Variants in KCNG2 observed in about 807,000 individuals in gnomAD.
KCNG2 encodes the protein potassium voltage-gated channel modifier subfamily G member 2.
KCNG2 carries 7 observed loss-of-function variants against 12.3 expected under a neutral mutation model. That is an observed-to-expected ratio of 0.57 (90% CI 0.32 to 1.07). KCNG2 has a LOEUF of 1.07. Among genes scored for constraint, KCNG2 ranks in the 50% least tolerant of loss-of-function variants. The probability of loss-of-function intolerance (pLI) is 0.04; values close to 1 mark genes in which losing one functional copy is unlikely to be tolerated. For missense variants in KCNG2, 703 were observed against 726.0 expected (o/e 0.97, Z 0.36); for synonymous variants, 414 against 351.4 (o/e 1.18, Z -1.99).
At chr18:79,824,003 CAATTT>C (rs1375600844) in intron 1 of KCNG2, among the ~76,000 whole-genome samples, 22 of 152,088 alleles carry the variant, frequency 1.4e-4, no homozygotes, top group African/African-American at 2.2e-4. Context: ...TTTCTTTCAT[CAATTT>C]AATTTAATTT....
intron 3 of KCNG2, chr18:79,875,833 A>G (rs959258852): frequency 9.2e-5 from 14 of 152,382 alleles, no homozygotes; most frequent in African/African-American, 3.4e-4. Flanking sequence ...GAGCAGTCGG[A>G]CTGGCCTGCA....
intron 3 of KCNG2, among the ~76,000 whole-genome samples, chr18:79,871,083 G>A (rs1979809937): frequency 6.6e-6 from 1 of 152,156 alleles, no homozygotes; most frequent in Non-Finnish European, 1.5e-5. Context: ...CCTGAGGCAG[G>A]AGGAAGGTCC....
At chr18:79,838,305 T>C (rs1447355562) in intron 1 of KCNG2, among the ~76,000 whole-genome samples, 3 of 152,178 alleles carry the variant, frequency 2.0e-5, no homozygotes, top group Non-Finnish European at 4.4e-5. Flanking sequence ...GTGTTCTCAG[T>C]GTGGTTCTCT....
rs1471990369 is a variant in KCNG2 at position 79,882,521 on chromosome 18, C to T, written c.625-16519C>T. Among the ~76,000 whole-genome samples the T allele has an allele frequency of 2.6e-5, 4 of 152,212 alleles. 1 individual carries two copies. The highest frequency in any genetic ancestry group is 5.9e-5 in the Non-Finnish European group (4 of 68,036). On this transcript the variant is annotated intron_variant, in intron 3 of 3. Coordinates refer to ENST00000316249, the MANE Select transcript of KCNG2 (RefSeq NM_012283.2). ...GAAAATAACCTGATTTTAAAAGGGA[C>T]AAAGTTTTGAACAGACACTTCACCA... is the stretch of plus-strand genomic sequence containing the variant.
chr18:79,865,684 G>T (rs1979474770), intron 3 of KCNG2, among the ~76,000 whole-genome samples: 2 of 146,670 alleles, frequency 1.4e-5, no homozygotes, highest in Non-Finnish European at 3.0e-5. Flanking sequence ...AGGTCTGGGT[G>T]CTGAGAGGTC....
intron 3 of KCNG2, among the ~76,000 whole-genome samples, chr18:79,876,499 A>G (rs1980077225): frequency 6.6e-6 from 1 of 152,232 alleles, no homozygotes; most frequent in South Asian, 2.1e-4. Flanking sequence ...CAGGGGCTGC[A>G]GGTGCTGAGC....
At chr18:79,804,397 C>G (rs907580383) in intron 1 of KCNG2, among the ~76,000 whole-genome samples, 9 of 152,320 alleles carry the variant, frequency 5.9e-5, no homozygotes, top group Middle Eastern at 3.4e-3. Context: ...GGACTCAGCA[C>G]CCAGGCCACA....
intron 1 of KCNG2, among the ~76,000 whole-genome samples, chr18:79,842,016 A>G (rs981929414): frequency 6.6e-6 from 1 of 152,132 alleles, no homozygotes; most frequent in African/African-American, 2.4e-5. Flanking sequence ...CCCAGAGTGA[A>G]CCTTGATGCC....
intron 3 of KCNG2, among the ~76,000 whole-genome samples, chr18:79,865,847 A>ACTGTGTG (rs1448895099): frequency 3.3e-5 from 1 of 29,914 alleles, no homozygotes; most frequent in East Asian, 1.1e-3. Flanking sequence ...TGCTGAGAGG[A>ACTGTGTG]CTGTGTGCTG....
chr18:79,808,000 C>T (rs2087465345), intron 1 of KCNG2, among the ~76,000 whole-genome samples: 1 of 121,836 alleles, frequency 8.2e-6, no homozygotes, highest in Admixed American at 7.8e-5. Flanking sequence ...GCCCAGAGTC[C>T]GCGCTCTGAG....
chr18:79,829,090 CTATG>C (rs1978289156), intron 1 of KCNG2, among the ~76,000 whole-genome samples: 1 of 82,756 alleles, frequency 1.2e-5, no homozygotes, highest in South Asian at 5.3e-4. Flanking sequence ...GTGTGGGTGT[CTATG>C]TGTGCGTGTG....
intron 1 of KCNG2, among the ~76,000 whole-genome samples, chr18:79,834,248 A>G (rs1354189533): frequency 6.6e-6 from 1 of 152,256 alleles, no homozygotes; most frequent in Non-Finnish European, 1.5e-5. Context: ...AGCACTGAGC[A>G]AACGTCCTGT....
chr18:79,858,768 C>T (rs1209642698), intron 2 of KCNG2, among the ~76,000 whole-genome samples: 3 of 152,152 alleles, frequency 2.0e-5, no homozygotes, highest in African/African-American at 7.2e-5. Flanking sequence ...TATAACGACC[C>T]TAGTGGATGT....
intron 1 of KCNG2, among the ~76,000 whole-genome samples, chr18:79,828,811 T>G (rs1978288442): frequency 8.4e-6 from 1 of 119,010 alleles, no homozygotes; most frequent in Non-Finnish European, 1.8e-5. Context: ...TGTGGGTGTC[T>G]ATGTGTGCGT....
intron 1 of KCNG2, chr18:79,816,552 A>G (rs1268922834): frequency 6.6e-6 from 1 of 152,264 alleles, no homozygotes; most frequent in Non-Finnish European, 1.5e-5. Flanking sequence ...TGTGGGAATG[A>G]GACATTTGAG....
At chr18:79,858,292 G>A (rs974093266) in intron 2 of KCNG2, among the ~76,000 whole-genome samples, 3 of 152,208 alleles carry the variant, frequency 2.0e-5, no homozygotes, top group Admixed American at 6.5e-5. Context: ...GTGAGCCACC[G>A]TGCCCAGCTC....
chr18:79,854,691 A>T (rs1412589802), intron 1 of KCNG2, among the ~76,000 whole-genome samples: 1 of 151,962 alleles, frequency 6.6e-6, no homozygotes, highest in Non-Finnish European at 1.5e-5. Context: ...ACGCCCGGCT[A>T]ATTTTTTGTA....
At chr18:79,849,466 C>T (rs1362765698) in intron 1 of KCNG2, among the ~76,000 whole-genome samples, 5 of 152,198 alleles carry the variant, frequency 3.3e-5, no homozygotes, top group South Asian at 2.1e-4. Flanking sequence ...CGACCTCATC[C>T]GGGGCAAGGT....
At chr18:79,898,144 C>T (rs1056187400) in intron 3 of KCNG2, among the ~76,000 whole-genome samples, 42 of 152,162 alleles carry the variant, frequency 2.8e-4, no homozygotes, top group African/African-American at 8.9e-4. Context: ...GAGTGCCCTT[C>T]GGTGTAAACT....
Sources: allele counts gnomAD v4.1 joint callset (sites outside exome capture counted in the v4.1 genomes callset), GRCh38; gene constraint gnomAD v4.1.1; transcripts MANE v1.5; gene names NCBI Gene and HGNC (gene_info 2026-07-23, HGNC 2026-07-21).